Variants in KDM4C observed in about 807,000 individuals in gnomAD.
KDM4C encodes the protein lysine demethylase 4C, also known as lysine-specific demethylase 4C.
KDM4C carries 81 observed loss-of-function variants against 129.3 expected under a neutral mutation model. The observed-to-expected ratio is 0.63, with a 90% CI of 0.52 to 0.75. The LOEUF is 0.75. KDM4C is among the 30% of genes least tolerant of loss of function. The probability of loss-of-function intolerance (pLI) is 0.00; values close to 1 mark genes in which losing one functional copy is unlikely to be tolerated. For missense variants in KDM4C, 1,457 were observed against 1,304.0 expected, an observed-to-expected ratio of 1.12 and a Z score of -1.81; for synonymous variants, 573 against 456.1, an observed-to-expected ratio of 1.26 and a Z score of -3.26.
chr9:7,122,988 A>G (rs1262312303), intron 18 of KDM4C, among the ~76,000 whole-genome samples: 1 of 152,202 alleles, frequency 6.6e-6, no homozygotes, highest in Non-Finnish European at 1.5e-5. Flanking sequence ...TTTTGAGGAT[A>G]TGTAATCAGT....
At chr9:7,112,596 G>A (rs767695237) in intron 18 of KDM4C, among the ~76,000 whole-genome samples, 1 of 152,208 alleles carries the variant, frequency 6.6e-6, no homozygotes, top group Non-Finnish European at 1.5e-5. Context: ...TTTGCCTACT[G>A]TCACTTTCAG....
chr9:6,916,304 C>G (rs1820302892), intron 8 of KDM4C, among the ~76,000 whole-genome samples: 1 of 151,256 alleles, frequency 6.6e-6, no homozygotes, highest in Non-Finnish European at 1.5e-5. Context: ...TCAATATAAA[C>G]TTCTGAAGGA....
chr9:6,731,948 T>C (rs1817349354), intron 1 of KDM4C, among the ~76,000 whole-genome samples: 1 of 152,146 alleles, frequency 6.6e-6, no homozygotes. Context: ...TTAAAACCTT[T>C]GGGAGAATAC....
rs1272770529 is a variant in KDM4C, at chr9:6,978,381, A to G, written c.922-2544A>G. Among the ~76,000 whole-genome samples the G allele has an allele frequency of 8.5e-5, 12 of 141,610 alleles. No homozygotes were observed. In the Admixed American group the frequency reaches 8.5e-4, roughly 10 times the overall value. The allele number at this position is 141,610 out of a possible 152,430, so 92.9% of individuals were successfully genotyped here. On this transcript the variant is annotated intron_variant, in intron 8 of 21. Transcript: ENST00000381309. Reference sequence around the variant, plus strand: ...TATATTATCTTTTATACCATTACTGAGATTGTAATTGTTGGTGGGTTTAGG... The same window carrying G: ...TATATTATCTTTTATACCATTACTGGGATTGTAATTGTTGGTGGGTTTAGG...
intron 8 of KDM4C, among the ~76,000 whole-genome samples, chr9:6,898,103 A>G (rs1323116204): frequency 6.6e-6 from 1 of 152,122 alleles, no homozygotes; most frequent in East Asian, 1.9e-4. Context: ...GTTTGATGTT[A>G]GGTTTGATGG....
chr9:6,919,005 C>T (rs1820836138), intron 8 of KDM4C, among the ~76,000 whole-genome samples: 1 of 152,106 alleles, frequency 6.6e-6, no homozygotes, highest in Non-Finnish European at 1.5e-5. Context: ...GCAACGGCCA[C>T]CATGCCTGGC....
intron 17 of KDM4C, among the ~76,000 whole-genome samples, chr9:7,086,008 A>G (rs1564097823): frequency 6.6e-6 from 1 of 152,050 alleles, no homozygotes; most frequent in Admixed American, 6.5e-5. Flanking sequence ...ATGCAAAAAC[A>G]TTAGCCAGGC....
chr9:6,770,686 A>G (rs1821600960), intron 1 of KDM4C, among the ~76,000 whole-genome samples: 1 of 122,276 alleles, frequency 8.2e-6, no homozygotes, highest in Admixed American at 8.6e-5. Flanking sequence ...TGGTCAGATT[A>G]TTGTGTTTGA....
chr9:7,080,824 G>A (rs1409887646), intron 17 of KDM4C, among the ~76,000 whole-genome samples: 4 of 152,132 alleles, frequency 2.6e-5, no homozygotes, highest in Non-Finnish European at 2.9e-5. Flanking sequence ...CATTCAAGGC[G>A]CGTTATAGTC....
chr9:6,778,887 A>AT (rs1823681229), intron 1 of KDM4C, among the ~76,000 whole-genome samples: 1 of 147,732 alleles, frequency 6.8e-6, no homozygotes, highest in Non-Finnish European at 1.5e-5. Context: ...GGCCTGGCTA[A>AT]TTTTTTGTAT....
At chr9:7,149,384 C>A (rs1842521576) in intron 19 of KDM4C, among the ~76,000 whole-genome samples, 1 of 152,244 alleles carries the variant, frequency 6.6e-6, no homozygotes, top group Non-Finnish European at 1.5e-5. Flanking sequence ...GGGGCAGGGG[C>A]CTTCCTGGGA....
intron 13 of KDM4C, among the ~76,000 whole-genome samples, chr9:7,013,197 C>A (rs1311235384): frequency 6.6e-6 from 1 of 152,080 alleles, no homozygotes; most frequent in African/African-American, 2.4e-5. Context: ...AATATAAAAT[C>A]TGTAAGGTAA....
chr9:7,075,460 A>C (rs575309585), intron 17 of KDM4C, among the ~76,000 whole-genome samples: 146 of 152,250 alleles, frequency 9.6e-4, no homozygotes, highest in African/African-American at 3.4e-3. Flanking sequence ...GTATGGGTTA[A>C]GTCCTCACTG....
At chr9:7,061,828 A>ATCCTTCCC (rs1299303702) in intron 17 of KDM4C, among the ~76,000 whole-genome samples, 1 of 152,136 alleles carries the variant, frequency 6.6e-6, no homozygotes, top group East Asian at 1.9e-4. Flanking sequence ...TCATAGACTG[A>ATCCTTCCC]AGAAGGAGTC....
intron 8 of KDM4C, among the ~76,000 whole-genome samples, chr9:6,956,249 G>T (rs977650976): frequency 6.6e-6 from 1 of 152,178 alleles, no homozygotes; most frequent in East Asian, 1.9e-4. Flanking sequence ...CTTCAAGAGT[G>T]TAATTGGATT....
intron 1 of KDM4C, among the ~76,000 whole-genome samples, chr9:6,787,363 G>T (rs556977654): frequency 1.3e-5 from 2 of 152,172 alleles, no homozygotes. Context: ...CTCCCTAGTA[G>T]CTCGGATCAC....
chr9:7,110,592 C>T (rs10758827), intron 18 of KDM4C, among the ~76,000 whole-genome samples: 67,112 of 151,690 alleles, frequency 0.44, 15,155 homozygotes, highest in East Asian at 0.75. Context: ...ATCCTCTACG[C>T]GCTTGGATCC....
chr9:6,766,974 G>C (rs1167513232), intron 1 of KDM4C, among the ~76,000 whole-genome samples: 1 of 152,124 alleles, frequency 6.6e-6, no homozygotes, highest in Non-Finnish European at 1.5e-5. Context: ...CCTCAGGACA[G>C]GCTTTGTCTG....
At position 6,758,283 on chromosome 9, in the gene KDM4C, T is replaced by G; in HGVS notation, c.-18+80T>G. The G allele has an allele frequency of 9.4e-6, 8 of 850,456 alleles. No individual in the cohort carries two copies. The highest frequency in any genetic ancestry group is 1.1e-5 in the Non-Finnish European group (8 of 707,962). 52.7% of individuals were successfully genotyped at this position (850,456 alleles called of 1,614,324 possible). ...CTTCCCGGCACTGCCCCCCTCCGCG[T>G]GGGGCACGGGGGTGCGGGCGTCCGG... is the stretch of plus-strand genomic sequence containing the variant. On this transcript the variant is annotated intron_variant, in intron 1 of 21. Coordinates refer to ENST00000381309, the MANE Select transcript of KDM4C (RefSeq NM_015061.6). This position sits in a 1 kb window ranked among gnomAD's most constrained non-coding sequence, Gnocchi z 4.6.
Sources: allele counts gnomAD v4.1 joint callset (sites outside exome capture counted in the v4.1 genomes callset), GRCh38; gene constraint gnomAD v4.1.1; non-coding constraint Gnocchi (gnomAD v3.1); transcripts MANE v1.5; gene names NCBI Gene and HGNC (gene_info 2026-07-23, HGNC 2026-07-21).